Variants in RDX observed in about 807,000 individuals in gnomAD.
The protein encoded by RDX is radixin, also known as deafness, autosomal recessive 24.
In RDX, 32 loss-of-function variants were observed where a neutral mutation model predicts 83.7. The observed-to-expected ratio is 0.38, with a 90% CI of 0.29 to 0.51. The LOEUF is 0.51. RDX is among the 20% of genes least tolerant of loss of function. The pLI is 0.87. For missense variants in RDX, 600 were observed against 689.9 expected, an observed-to-expected ratio of 0.87 and a Z score of 1.46; for synonymous variants, 229 against 222.7, an observed-to-expected ratio of 1.03 and a Z score of -0.25.
intron 5 of RDX, 144 bp from the exon 6 acceptor site, chr11:110,258,333 T>C: frequency 1.6e-6 from 1 of 618,756 alleles, no homozygotes; most frequent in Non-Finnish European, 2.8e-6. Flanking sequence ...TAGAACTAAA[T>C]TACATACACA....
chr11:110,223,647 A>G (rs2134280749), intron 14 of RDX, among the ~76,000 whole-genome samples: 1 of 152,326 alleles, frequency 6.6e-6, no homozygotes, highest in South Asian at 2.1e-4. Flanking sequence ...TGAGAACTAG[A>G]TTGTATTAGG....
intron 15 of RDX, among the ~76,000 whole-genome samples, chr11:110,189,331 T>C (rs1418272640): frequency 7.1e-6 from 1 of 141,808 alleles, no homozygotes; most frequent in Non-Finnish European, 1.5e-5. Context: ...ATCCTGAACA[T>C]ATATATGCAC....
chr11:110,216,381 T>G (rs928091115), intron 14 of RDX, among the ~76,000 whole-genome samples: 1 of 151,874 alleles, frequency 6.6e-6, no homozygotes, highest in South Asian at 2.1e-4. Context: ...TTTCTAATTT[T>G]TTTTTTTTTG....
intron 15 of RDX, among the ~76,000 whole-genome samples, chr11:110,194,975 TTTTTGTTTTGTTTTG>T (rs145277513): frequency 4.0e-5 from 6 of 150,894 alleles, no homozygotes; most frequent in African/African-American, 9.8e-5. Context: ...TTTTGGTTGT[TTTTTGTTTTGTTTTG>T]TTTTGTTTTG....
At chr11:110,184,839 T>C (rs1862955544) in intron 15 of RDX, among the ~76,000 whole-genome samples, 1 of 152,158 alleles carries the variant, frequency 6.6e-6, no homozygotes, top group African/African-American at 2.4e-5. Flanking sequence ...TGCTGAATGA[T>C]GTCAATTATA....
At chr11:110,265,825 AAATT>A (rs1214405469) in intron 3 of RDX, among the ~76,000 whole-genome samples, 3 of 152,154 alleles carry the variant, frequency 2.0e-5, no homozygotes, top group Non-Finnish European at 4.4e-5. Flanking sequence ...CATCTAGATA[AAATT>A]AATCACTTGT....
rs1033744189 is a variant in RDX, at chr11:110,230,803, G to A, written c.*1066C>T. 3 of 152,596 alleles carry A rather than the reference G, an allele frequency of 2.0e-5. No homozygotes were observed. Among genetic ancestry groups the A allele is most frequent in the Non-Finnish European group, 2.9e-5 (2 of 68,020 alleles). The allele number at this position is 152,596 out of a possible 1,614,324, so 9.5% of individuals were successfully genotyped here. The stretch of plus-strand genomic sequence containing the variant: ...TGAAATTTCGAAAGTATTTCTTGAT[G>A]ATCGAGGCTATGGTTATGAATTATA... On this transcript the variant is annotated 3_prime_UTR_variant, in exon 14 of 14. Transcript: ENST00000645495.
At position 110,237,511 on chromosome 11, in the gene RDX, A is replaced by C. The variant is rs747909378; in HGVS notation, c.1232T>G (p.Met411Arg). Residue 411 changes from methionine to arginine, a missense_variant, in exon 11 of 14, where the codon ATG becomes AGG. By Grantham distance (91) the Met-to-Arg change is moderately conservative. Coordinates refer to ENST00000645495, the MANE Select transcript of RDX (RefSeq NM_002906.4). ...SAIAKQAADQ[M>R]KNQEQLAAEL... Reference sequence around the variant, plus strand: ...CCTTACTAGCTGCTCCTGATTCTTCATCTGGTCGGCAGCTTGTTTTGCTAT... The same window carrying C: ...CCTTACTAGCTGCTCCTGATTCTTCCTCTGGTCGGCAGCTTGTTTTGCTAT... The C allele has an allele frequency of 9.3e-6, 15 of 1,612,496 alleles. No individual in the cohort carries two copies. Among genetic ancestry groups the C allele is most frequent in the Admixed American group, 1.7e-5 (1 of 60,000 alleles).
At chr11:110,184,726 G>A (rs1862952959) in intron 15 of RDX, among the ~76,000 whole-genome samples, 1 of 152,210 alleles carries the variant, frequency 6.6e-6, no homozygotes. Flanking sequence ...AGAGGCTGGA[G>A]TGAAGGATGT....
chr11:110,278,681 T>C (rs1860616709), intron 2 of RDX, among the ~76,000 whole-genome samples: 1 of 152,110 alleles, frequency 6.6e-6, no homozygotes, highest in African/African-American at 2.4e-5. Context: ...CATCTGCAAA[T>C]AGGAAATTTT....
intron 15 of RDX, among the ~76,000 whole-genome samples, chr11:110,175,792 C>T (rs903834917): frequency 6.6e-6 from 1 of 152,236 alleles, no homozygotes; most frequent in African/African-American, 2.4e-5. Context: ...ACATGAAAAG[C>T]TATTCAGTAA....
exon 15 of RDX, chr11:110,199,625 A>G (rs1186631915): frequency 4.3e-6 from 3 of 702,944 alleles, no homozygotes; most frequent in Non-Finnish European, 7.8e-6. Flanking sequence ...CATTTGCTTT[A>G]TGCTGCTTTG....
At chr11:110,257,742 T>C (rs1565318796) in intron 7 of RDX, 25 bp downstream of exon 7, 1 of 1,610,358 alleles carries the variant, frequency 6.2e-7, no homozygotes, top group Non-Finnish European at 8.5e-7. Context: ...CAATGACTAG[T>C]TCACTATGCA....
chr11:110,182,842 A>G (rs1862914313), intron 15 of RDX, among the ~76,000 whole-genome samples: 1 of 152,202 alleles, frequency 6.6e-6, no homozygotes, highest in South Asian at 2.1e-4. Context: ...ACTGAAGATG[A>G]GTTCTGAGCG....
intron 1 of RDX, among the ~76,000 whole-genome samples, chr11:110,289,956 C>CAAAAAAAAAAAAAAAAAACAAA (rs1861153801): frequency 2.8e-5 from 1 of 35,486 alleles, no homozygotes; most frequent in Non-Finnish European, 4.7e-5. Context: ...GAGACTGTCT[C>CAAAAAAAAAAAAAAAAAACAAA]AAAAAAAAAA....
intron 3 of RDX, among the ~76,000 whole-genome samples, chr11:110,268,808 C>T (rs1450417985): frequency 1.3e-5 from 2 of 151,782 alleles, no homozygotes; most frequent in Non-Finnish European, 2.9e-5. Flanking sequence ...TGAGGCTGTC[C>T]TTTAAGCTCC....
Position 110,264,843 on chromosome 11 carries a change from C to A in RDX, c.128G>T (p.Trp43Leu), listed in dbSNP as rs1371794483. The A allele has an allele frequency of 6.2e-7, 1 of 1,613,746 alleles. No homozygotes were observed. Among genetic ancestry groups the A allele is most frequent in the Non-Finnish European group, 8.5e-7 (1 of 1,179,952 alleles). Residue 43 changes from tryptophan (W) to leucine (L), a missense_variant, in exon 4 of 14, where the codon TGG becomes TTG. Trp to Leu is a moderately conservative substitution (Grantham distance 61). Coordinates refer to ENST00000645495, the MANE Select transcript of RDX (RefSeq NM_002906.4). Reference protein sequence around the residue: ...VVKTVGLREVWFFGLQYVDSK... With the variant: ...VVKTVGLREVLFFGLQYVDSK... Reference sequence around the variant, plus strand: ...GTCTACATACTGCAGCCCAAAAAACCAGACCTCACGCAAACCAACTGTTTT... The same window carrying A: ...GTCTACATACTGCAGCCCAAAAAACAAGACCTCACGCAAACCAACTGTTTT...
At chr11:110,212,104 A>G (rs1448012131) in intron 14 of RDX, among the ~76,000 whole-genome samples, 3 of 144,588 alleles carry the variant, frequency 2.1e-5, no homozygotes, top group African/African-American at 7.7e-5. Flanking sequence ...TAATAAAGAA[A>G]AAAAGAGAGA....
intron 12 of RDX, among the ~76,000 whole-genome samples, chr11:110,234,504 AG>A (rs1466522248): frequency 1.3e-5 from 2 of 152,216 alleles, no homozygotes; most frequent in Non-Finnish European, 2.9e-5. Context: ...ATATATAAAC[AG>A]GAAGTATCCT....
Sources: gnomAD v4.1 joint callset for allele counts (sites outside exome capture counted in the v4.1 genomes callset) on GRCh38, gnomAD v4.1.1 for gene constraint, MANE v1.5 for transcripts, NCBI Gene and HGNC (gene_info 2026-07-23, HGNC 2026-07-21) for gene names.